SLC25A48: variants seen among roughly 807,000 people sequenced by gnomAD.
SLC25A48 encodes the protein CTC-321K16.1.
Under a neutral mutation model 32.2 loss-of-function variants are expected in SLC25A48, and 29 were observed. That is an observed-to-expected ratio of 0.90 (90% CI 0.67 to 1.23). The LOEUF (loss-of-function observed/expected upper bound fraction) is 1.23. Among genes scored for constraint, SLC25A48 ranks in the 50% most tolerant of loss-of-function variants. The pLI is 0.00. For missense variants in SLC25A48, 399 were observed against 422.7 expected (o/e 0.94, Z 0.49); for synonymous variants, 164 against 172.3 (o/e 0.95, Z 0.38).
intron 3 of SLC25A48, among the ~76,000 whole-genome samples, chr5:135,808,563 G>A (rs1580902373): frequency 6.6e-6 from 1 of 151,990 alleles, no homozygotes; most frequent in South Asian, 2.1e-4. Context: ...TCTGCGTGTA[G>A]GCCCTCCTGT....
intron 3 of SLC25A48, among the ~76,000 whole-genome samples, chr5:135,682,721 C>T (rs753599694): frequency 2.0e-4 from 30 of 152,216 alleles, no homozygotes; most frequent in Non-Finnish European, 3.8e-4. Context: ...GTACAACCAA[C>T]TGAAATTATA....
At chr5:135,793,690 T>A (rs1757092186) in intron 3 of SLC25A48, among the ~76,000 whole-genome samples, 1 of 151,836 alleles carries the variant, frequency 6.6e-6, no homozygotes, top group Admixed American at 6.6e-5. Context: ...GGTTTATTAT[T>A]TGTAATATCC....
chr5:135,675,250 G>T (rs1213533070), intron 3 of SLC25A48, among the ~76,000 whole-genome samples: 3 of 152,128 alleles, frequency 2.0e-5, no homozygotes, highest in African/African-American at 7.2e-5. Context: ...TTAGTCCATT[G>T]TTAGATGAAT....
At chr5:135,635,478 A>G (rs1239483455) in intron 3 of SLC25A48, among the ~76,000 whole-genome samples, 3 of 152,176 alleles carry the variant, frequency 2.0e-5, no homozygotes, top group African/African-American at 7.2e-5. Flanking sequence ...CTGGGATAAG[A>G]GATGTTTTGA....
chr5:135,685,030 A>G (rs566574509), intron 3 of SLC25A48, among the ~76,000 whole-genome samples: 2 of 152,328 alleles, frequency 1.3e-5, no homozygotes, highest in East Asian at 3.9e-4. Context: ...CGAGCAGTGT[A>G]TGAGCTTGTC....
intron 3 of SLC25A48, among the ~76,000 whole-genome samples, chr5:135,637,412 G>A (rs1252344595): frequency 6.6e-6 from 1 of 152,096 alleles, no homozygotes; most frequent in Non-Finnish European, 1.5e-5. Context: ...GAGCAAGCAT[G>A]AAGGAACACA....
At chr5:135,783,674 C>G (rs1260877195) in intron 3 of SLC25A48, among the ~76,000 whole-genome samples, 2 of 113,992 alleles carry the variant, frequency 1.8e-5, no homozygotes, top group Non-Finnish European at 4.3e-5. Context: ...AAAAGAGAGG[C>G]AGATATTACT....
intron 2 of SLC25A48, among the ~76,000 whole-genome samples, chr5:135,846,146 G>C (rs917079401): frequency 1.3e-5 from 2 of 152,164 alleles, no homozygotes; most frequent in Non-Finnish European, 2.9e-5. Context: ...CGCATGCGAG[G>C]GATCTAGGTT....
intron 1 of SLC25A48, among the ~76,000 whole-genome samples, chr5:135,596,789 C>G (rs1751662716): frequency 6.6e-6 from 1 of 152,160 alleles, no homozygotes; most frequent in Non-Finnish European, 1.5e-5. Context: ...CTGAGTGCTC[C>G]CTCCATACTG....
In SLC25A48 at chr5:135,834,747, C is replaced by G; in HGVS notation, c.-101C>G. 7.6e-7 allele frequency: 1 copy of G among 1,312,380 alleles called. No homozygotes were observed. Among genetic ancestry groups the G allele is most frequent in the Admixed American group, 2.6e-5 (1 of 37,842 alleles). The allele number at this position is 1,312,380 out of a possible 1,614,324, so 81.3% of individuals were successfully genotyped here. ...TAGGACCTGCGGCGTGCTCGAGACT[C>G]CGACTTCGGTCTTGCGGCGCGCTCG... On this transcript the variant is annotated 5_prime_UTR_variant, in exon 1 of 8. Coordinates refer to ENST00000681962, the MANE Select transcript of SLC25A48 (RefSeq NM_001349336.2).
rs186757443 is a variant in SLC25A48, at chr5:135,721,247, G to C, written c.-521+86291G>C. On this transcript the variant is annotated intron_variant, in intron 3 of 10. Transcript: ENST00000646290. ...GACAGAGTCTTGCTCTGTCGCCCAG[G>C]CTGGAGTACAATGGCGTGATCTTGG... is the stretch of plus-strand genomic sequence containing the variant. Among the ~76,000 whole-genome samples the C allele has an allele frequency of 5.3e-4, 52 of 97,348 alleles. 2 individuals are homozygous for C. The East Asian group carries it at 0.014, about 26-fold the overall frequency. The allele number at this position is 97,348 out of a possible 152,430, so 63.9% of individuals were successfully genotyped here.
intron 3 of SLC25A48, among the ~76,000 whole-genome samples, chr5:135,726,566 G>T (rs1755094401): frequency 6.6e-6 from 1 of 152,150 alleles, no homozygotes; most frequent in Non-Finnish European, 1.5e-5. Context: ...GAATCCTGTG[G>T]TATGTAACTC....
At chr5:135,611,319 G>A (rs368741705) in intron 1 of SLC25A48, among the ~76,000 whole-genome samples, 1 of 151,580 alleles carries the variant, frequency 6.6e-6, no homozygotes, top group East Asian at 1.9e-4. Context: ...AGACCAGCCT[G>A]GCCAACATGG....
intron 3 of SLC25A48, among the ~76,000 whole-genome samples, chr5:135,739,763 T>C (rs1281293134): frequency 6.6e-6 from 1 of 152,140 alleles, no homozygotes; most frequent in Non-Finnish European, 1.5e-5. Flanking sequence ...AAAACACACA[T>C]TCCTAAATGC....
At chr5:135,824,730 T>A (rs1476575411) in intron 4 of SLC25A48, 1 of 152,218 alleles carries the variant, frequency 6.6e-6, no homozygotes, top group Non-Finnish European at 1.5e-5. Context: ...TCCTGGCTGG[T>A]CACACAGGGG....
chr5:135,690,029 A>T (rs779619554), intron 3 of SLC25A48, among the ~76,000 whole-genome samples: 3 of 152,130 alleles, frequency 2.0e-5, no homozygotes, highest in Non-Finnish European at 2.9e-5. Context: ...AGACATGTAC[A>T]TTCGAACTAG....
intron 4 of SLC25A48, among the ~76,000 whole-genome samples, chr5:135,857,187 C>T (rs1760402015): frequency 6.6e-6 from 1 of 152,230 alleles, no homozygotes; most frequent in Non-Finnish European, 1.5e-5. Context: ...GTTCTATCCT[C>T]TGTCCTGCCC....
intron 1 of SLC25A48, among the ~76,000 whole-genome samples, chr5:135,590,294 A>G (rs1462668412): frequency 6.6e-6 from 1 of 152,134 alleles, no homozygotes; most frequent in Non-Finnish European, 1.5e-5. Context: ...TGTGCAGAGG[A>G]ACACCCTCTG....
intron 3 of SLC25A48, among the ~76,000 whole-genome samples, chr5:135,721,034 TTTTTTATTTTTA>T (rs1388829103): frequency 6.6e-6 from 1 of 151,740 alleles, no homozygotes; most frequent in African/African-American, 2.4e-5. Flanking sequence ...TCCCATTCCC[TTTTTTATTTTTA>T]TTTTTATTTA....
Sources: gnomAD v4.1 joint callset for allele counts (sites outside exome capture counted in the v4.1 genomes callset) on GRCh38, gnomAD v4.1.1 for gene constraint, MANE v1.5 for transcripts, NCBI Gene and HGNC (gene_info 2026-07-23, HGNC 2026-07-21) for gene names.